The following NLGN4X variants were observed in gnomAD, a reference collection of about 807,000 sequenced individuals.
NLGN4X encodes the protein neuroligin 4 X-linked, also known as neuroligin-4, X-linked.
A neutral mutation model predicts 40.3 loss-of-function variants in NLGN4X; 3 were observed. The ratio of observed to expected loss-of-function variants is 0.07; its 90% confidence interval spans 0.03 to 0.19. The LOEUF (loss-of-function observed/expected upper bound fraction) is 0.19. Ranked by LOEUF, NLGN4X falls within the 10% of genes least tolerant of loss-of-function variation. The pLI is 1.00. For synonymous variants in NLGN4X, 270 were observed against 306.8 expected (o/e 0.88, Z 1.25); for missense variants, 382 against 708.3 (o/e 0.54, Z 5.23).
At chrX:6,076,117 T>C (rs1408982056) in intron 2 of NLGN4X, among the ~76,000 whole-genome samples, 1 of 112,071 alleles carries the variant, frequency 8.9e-6, no homozygotes, top group African/African-American at 3.2e-5. Context: ...GCCAGTCCTA[T>C]ATGCTAAATC....
rs186269979 is a variant in NLGN4X at position 5,931,196 on chromosome X, T to C, written c.626-21957A>G. ...CTTTGGTTAAAAATTCATATTGCAATAAAAAATACTCAAAGAAGTTCTAAT... is the reference window on the plus strand; with the variant it reads ...CTTTGGTTAAAAATTCATATTGCAACAAAAAATACTCAAAGAAGTTCTAAT... On this transcript the variant is annotated intron_variant, in intron 3 of 5. Transcript: ENST00000381095. 3.0e-3 allele frequency among the ~76,000 whole-genome samples: 336 copies of C among 112,057 alleles called. 2 individuals carry two copies. Among genetic ancestry groups the C allele is most frequent in the Middle Eastern group, 0.023 (5 of 216 alleles).
At chrX:6,103,140 A>C (rs12008603) in intron 2 of NLGN4X, among the ~76,000 whole-genome samples, 22,828 of 111,321 alleles carry the variant, frequency 0.21, 1,782 homozygotes, top group Admixed American at 0.26. Context: ...ATATTTGGAA[A>C]AGAGTAGATA....
At chrX:6,081,696 T>C (rs746546199) in intron 2 of NLGN4X, among the ~76,000 whole-genome samples, 7 of 112,375 alleles carry the variant, frequency 6.2e-5, no homozygotes, top group Non-Finnish European at 1.1e-4. Context: ...ATACCTAGCC[T>C]GCAGGGCATG....
At position 5,951,673 on chromosome X, in the gene NLGN4X, C is replaced by T. The variant is rs767944111; in HGVS notation, c.626-42434G>A. Among the ~76,000 whole-genome samples, 4 of 111,316 alleles carry T rather than the reference C, an allele frequency of 3.6e-5. No homozygotes were observed. The East Asian group carries it at 1.1e-3, about 32-fold the overall frequency. On this transcript the variant is annotated intron_variant, in intron 3 of 5. Coordinates refer to ENST00000381095, the MANE Select transcript of NLGN4X (RefSeq NM_181332.3). Reference sequence around the variant, plus strand: ...GAGGACCCACTTTCTGGGTCATAGACAGCGCCTTCTTGCTGTGTCCTCACA... The same window carrying T: ...GAGGACCCACTTTCTGGGTCATAGATAGCGCCTTCTTGCTGTGTCCTCACA...
chrX:5,965,724 C>T (rs1370681361), intron 3 of NLGN4X, among the ~76,000 whole-genome samples: 2 of 111,888 alleles, frequency 1.8e-5, no homozygotes, highest in Non-Finnish European at 3.8e-5. Context: ...AAAATAGAAG[C>T]TGGAACTAGC....
intron 1 of NLGN4X, among the ~76,000 whole-genome samples, chrX:6,207,110 T>G (rs1924107786): frequency 9.0e-6 from 1 of 110,620 alleles, no homozygotes; most frequent in Admixed American, 9.7e-5. Flanking sequence ...AATGCAACCT[T>G]TGGATGGATG....
chrX:5,968,525 A>C, intron 3 of NLGN4X, among the ~76,000 whole-genome samples: 1 of 84,860 alleles, frequency 1.2e-5, no homozygotes, highest in Non-Finnish European at 2.3e-5. Flanking sequence ...GCTATCTACT[A>C]ATAATGTATC....
chrX:5,932,232 A>G (rs1245315045), intron 3 of NLGN4X, among the ~76,000 whole-genome samples: 2 of 111,731 alleles, frequency 1.8e-5, no homozygotes, highest in African/African-American at 6.5e-5. Flanking sequence ...CTCAAATTTC[A>G]AACTTCTTCA....
intron 2 of NLGN4X, among the ~76,000 whole-genome samples, chrX:6,124,899 G>C (rs1448703223): frequency 1.8e-5 from 2 of 112,348 alleles, no homozygotes; most frequent in Non-Finnish European, 1.9e-5. Flanking sequence ...CTTTCATAAA[G>C]AGTACTTTAA....
chrX:6,107,756 T>C (rs772891398), intron 2 of NLGN4X, among the ~76,000 whole-genome samples: 2 of 111,780 alleles, frequency 1.8e-5, no homozygotes, highest in Non-Finnish European at 3.8e-5. Context: ...TTTATATCCA[T>C]GTGTACCCAT....
intron 2 of NLGN4X, among the ~76,000 whole-genome samples, chrX:6,107,861 G>A (rs1034169292): frequency 8.3e-4 from 93 of 112,225 alleles, no homozygotes; most frequent in African/African-American, 2.8e-3. Context: ...CCACATTCAT[G>A]TTGCTGCAAA....
chrX:6,156,380 G>A (rs1266669987), intron 1 of NLGN4X, among the ~76,000 whole-genome samples: 1 of 111,015 alleles, frequency 9.0e-6, no homozygotes, highest in African/African-American at 3.3e-5. Flanking sequence ...GTGGTGGCGG[G>A]CACCTGTAGT....
intron 1 of NLGN4X, among the ~76,000 whole-genome samples, chrX:6,176,308 A>G (rs751490433): frequency 1.8e-5 from 2 of 112,574 alleles, no homozygotes; most frequent in African/African-American, 6.4e-5. Flanking sequence ...TCTACCATTT[A>G]GCAGCCCAAC....
At chrX:6,188,348 A>C (rs1043005666) in intron 1 of NLGN4X, among the ~76,000 whole-genome samples, 30 of 112,151 alleles carry the variant, frequency 2.7e-4, no homozygotes, top group African/African-American at 9.1e-4. Context: ...TAGATAGAGG[A>C]GAAATCTTTT....
intron 2 of NLGN4X, among the ~76,000 whole-genome samples, chrX:6,096,755 G>C (rs181290159): frequency 1.0e-3 from 115 of 112,058 alleles, no homozygotes; most frequent in Non-Finnish European, 1.3e-3. Flanking sequence ...ATACGAACAT[G>C]AGTATCTTCT....
chrX:5,933,798 G>A (rs73627034), intron 3 of NLGN4X, among the ~76,000 whole-genome samples: 8,709 of 111,052 alleles, frequency 0.078, 851 homozygotes, highest in African/African-American at 0.27. Flanking sequence ...TTAAACTCAT[G>A]AATTTAAAAA....
chrX:6,101,637 T>A (rs1321734531), intron 2 of NLGN4X, among the ~76,000 whole-genome samples: 6 of 110,096 alleles, frequency 5.4e-5, no homozygotes, highest in African/African-American at 2.0e-4. Context: ...CTCATGTGCA[T>A]AGAGAGTCAA....
intron 2 of NLGN4X, among the ~76,000 whole-genome samples, chrX:6,125,355 C>T (rs1363851374): frequency 3.3e-4 from 36 of 110,002 alleles, no homozygotes; most frequent in Non-Finnish European, 1.7e-4. Flanking sequence ...GCTAGTTTAT[C>T]GAAAAGCTTA....
chrX:6,121,143 T>C (rs867088371), intron 2 of NLGN4X, among the ~76,000 whole-genome samples: 4 of 40,715 alleles, frequency 9.8e-5, no homozygotes, highest in African/African-American at 4.0e-4. Flanking sequence ...CACACATATA[T>C]ATACATACAC....
Sources: allele counts gnomAD v4.1 joint callset (sites outside exome capture counted in the v4.1 genomes callset), GRCh38; gene constraint gnomAD v4.1.1; transcripts MANE v1.5; gene names NCBI Gene and HGNC (gene_info 2026-07-23, HGNC 2026-07-21).